PLCD3: variants seen among roughly 807,000 people sequenced by gnomAD.
PLCD3 encodes 1-phosphatidylinositol 4,5-bisphosphate phosphodiesterase delta-3.
PLCD3 carries 62 observed loss-of-function variants against 82.8 expected under a neutral mutation model. That is an observed-to-expected ratio of 0.75 (90% CI 0.61 to 0.93). The LOEUF (loss-of-function observed/expected upper bound fraction) is 0.93. Among genes scored for constraint, PLCD3 ranks in the 40% least tolerant of loss-of-function variants. The probability of loss-of-function intolerance (pLI) is 0.00; values close to 1 mark genes in which losing one functional copy is unlikely to be tolerated. For missense variants in PLCD3, 1,023 were observed against 1,103.4 expected (o/e 0.93, Z 1.03); for synonymous variants, 478 against 471.8 (o/e 1.01, Z -0.17).
rs774528952 is a variant in PLCD3, at chr17:45,121,323, G to C, written c.213C>G (p.Leu71=). 2.6e-6 allele frequency: 4 copies of C among 1,559,238 alleles called. No individual in the cohort carries two copies. The South Asian group carries it at 3.5e-5, about 14-fold the overall frequency. Residue 71 remains leucine (L), a synonymous_variant, in exon 2 of 15, where the codon CTC becomes CTG. Transcript: ENST00000619929. ...DVRAMLRGSR[L]RKIRSRTWHK... ...GCCACGTGCGCGAGCGGATCTTGCG[G>C]AGCCGGGAGCCCCGCAGCATGGCGC... is the stretch of plus-strand genomic sequence containing the variant.
At chr17:45,119,544 T>C (rs1362672952) in intron 4 of PLCD3, among the ~76,000 whole-genome samples, 7 of 152,200 alleles carry the variant, frequency 4.6e-5, no homozygotes, top group Admixed American at 3.3e-4. Flanking sequence ...CCGGCAGGGC[T>C]GGACTTAAAA....
At chr17:45,114,191 T>G (rs943375794) in intron 11 of PLCD3, 59 bp downstream of exon 11, 1 of 1,319,194 alleles carries the variant, frequency 7.6e-7, no homozygotes, top group South Asian at 1.5e-5. Flanking sequence ...CCCTCACTGC[T>G]GAGGCCTCCC....
At chr17:45,129,663 C>T (rs66532542) in intron 1 of PLCD3, among the ~76,000 whole-genome samples, 15,449 of 152,262 alleles carry the variant, frequency 0.1, 947 homozygotes, top group East Asian at 0.32. Context: ...AGGATCAGGT[C>T]TGATGCAAGC....
At chr17:45,127,874 G>A (rs1205092704) in intron 1 of PLCD3, among the ~76,000 whole-genome samples, 1 of 152,086 alleles carries the variant, frequency 6.6e-6, no homozygotes, top group African/African-American at 2.4e-5. Context: ...GGCCAGCCAG[G>A]GGGAAATAGG....
intron 1 of PLCD3, among the ~76,000 whole-genome samples, chr17:45,122,567 C>G (rs2054350065): frequency 1.3e-5 from 2 of 152,172 alleles, no homozygotes; most frequent in African/African-American, 4.8e-5. Context: ...TAAGTCTCAA[C>G]ACTGTCACTT....
In PLCD3 at chr17:45,112,687, G is replaced by A; in HGVS notation, c.2299C>T (p.Leu767=). The A allele has an allele frequency of 6.2e-7, 1 of 1,606,216 alleles. No individual in the cohort carries two copies. The highest frequency in any genetic ancestry group is 8.5e-7 in the Non-Finnish European group (1 of 1,176,636). ...SLKQGYRHIH[L]LSKDGASLSP... is the part of the protein sequence containing the mutation. ...AGTGAGGCCCCGTCCTTGGAAAGCA[G>A]GTGTATGTGGCGGTACCCTGTAGGG... is the stretch of plus-strand genomic sequence containing the variant. Residue 767 remains leucine (L), a synonymous_variant, in exon 15 of 15, where the codon CTG becomes TTG. Coordinates refer to ENST00000619929, the MANE Select transcript of PLCD3 (RefSeq NM_133373.5).
Position 45,113,534 on chromosome 17 carries a change from A to G in PLCD3, c.1900T>C (p.Cys634Arg). The change falls in exon 12 of 15, where the codon TGT becomes CGT. Residue 634 changes from cysteine (C) to arginine (R), a missense_variant. Physicochemically the swap from Cys to Arg is radical, Grantham distance 180. Transcript: ENST00000619929. Reference protein sequence around the residue: ...NAGRFLVNGQCGYVLKPACLR... With the variant: ...NAGRFLVNGQRGYVLKPACLR... ...CAGGCAGGTTTTAGGACGTAGCCAC[A>G]CTGCCCATTGACTAGGAAGCGCCCG... 6 of 1,570,600 alleles carry G rather than the reference A, an allele frequency of 3.8e-6. No individual in the cohort carries two copies. The highest frequency in any genetic ancestry group is 5.2e-6 in the Non-Finnish European group (6 of 1,158,352).
In PLCD3 at chr17:45,113,306, C is replaced by T. The variant is rs747673644; in HGVS notation, c.1996-49G>A. Reference sequence around the variant, plus strand: ...TGGGGCCCACGCCCACCTTGGCCATCCCCTCATGGGCCTCAAGCTCACACC... The same window carrying T: ...TGGGGCCCACGCCCACCTTGGCCATTCCCTCATGGGCCTCAAGCTCACACC... On this transcript the variant is annotated intron_variant, in intron 12 of 14. Coordinates refer to ENST00000619929, the MANE Select transcript of PLCD3 (RefSeq NM_133373.5). The T allele has an allele frequency of 3.8e-6, 6 of 1,563,114 alleles. No individual in the cohort carries two copies. In the South Asian group the frequency reaches 7.0e-5, roughly 18 times the overall value.
chr17:45,113,769 C>A (rs1191831241), intron 11 of PLCD3, among the ~76,000 whole-genome samples, 164 bp from the exon 12 acceptor site: 1 of 152,040 alleles, frequency 6.6e-6, no homozygotes, highest in Non-Finnish European at 1.5e-5. Flanking sequence ...ATGGACCCAG[C>A]CCCCACTGTC....
rs978071611 is a variant in PLCD3, at chr17:45,122,669, C to T, written c.164-1297G>A. The stretch of plus-strand genomic sequence containing the variant: ...AAAATGGAGACCACAATCATACCTG[C>T]TGCAAAATCCAAAATTCAGAGGTTT... On this transcript the variant is annotated intron_variant, in intron 1 of 14. Transcript: ENST00000619929. 3.3e-5 allele frequency among the ~76,000 whole-genome samples: 5 copies of T among 152,148 alleles called. No homozygotes were observed. In the East Asian group the frequency reaches 7.7e-4, roughly 23 times the overall value.
Position 45,114,280 on chromosome 17 carries a change from G to A in PLCD3, c.1798C>T (p.Gln600Ter). The change falls in exon 11 of 15, where the codon CAG (glutamine) becomes TAG (stop). Residue 600 changes from glutamine to a stop codon, truncating the protein, a stop_gained. Coordinates refer to ENST00000619929, the MANE Select transcript of PLCD3 (RefSeq NM_133373.5). LOFTEE classifies it high-confidence loss of function. ...LRMNSANYSP[Q>*]EMWNSGCQLV... ...TGACAGCCCGAGTTCCACATCTCCT[G>A]GGGACTGTAGTTGGCTGAGTTCATC... The A allele has an allele frequency of 1.3e-6, 2 of 1,546,404 alleles. No homozygotes were observed. Among genetic ancestry groups the A allele is most frequent in the Non-Finnish European group, 1.7e-6 (2 of 1,144,958 alleles).
chr17:45,120,144 G>A (rs1198542049), intron 4 of PLCD3, among the ~76,000 whole-genome samples, 181 bp downstream of exon 4: 1 of 152,262 alleles, frequency 6.6e-6, no homozygotes, highest in Non-Finnish European at 1.5e-5. Context: ...TGGCCCAGTG[G>A]CCTCAGGGGA....
intron 4 of PLCD3, among the ~76,000 whole-genome samples, chr17:45,119,897 C>A (rs1191664602): frequency 6.6e-6 from 1 of 152,240 alleles, no homozygotes; most frequent in African/African-American, 2.4e-5. Context: ...CTCCTGTGTG[C>A]CCCTGTGCTC....
chr17:45,113,541 A>G lies in PLCD3; in HGVS notation c.1893T>C (p.Asn631=). Residue 631 remains asparagine (N), a synonymous_variant, in exon 12 of 15, where the codon AAT becomes AAC. Coordinates refer to ENST00000619929, the MANE Select transcript of PLCD3 (RefSeq NM_133373.5). ...GTTTTAGGACGTAGCCACACTGCCC[A>G]TTGACTAGGAAGCGCCCGGCATTGA... ...MDLNAGRFLV[N]GQCGYVLKPA... is the part of the protein sequence containing the mutation. The G allele has an allele frequency of 1.9e-6, 3 of 1,567,166 alleles. No individual in the cohort carries two copies. The highest frequency in any genetic ancestry group is 2.6e-6 in the Non-Finnish European group (3 of 1,156,552).
At chr17:45,131,248 G>C (rs533905569) in intron 1 of PLCD3, among the ~76,000 whole-genome samples, 4 of 152,224 alleles carry the variant, frequency 2.6e-5, no homozygotes, top group Non-Finnish European at 4.4e-5. Flanking sequence ...TCTGCCCCAA[G>C]TTCTACACGG....
chr17:45,113,127 T>C lies in PLCD3; in HGVS notation c.2126A>G (p.Asn709Ser), dbSNP rs1171352194. Reference sequence around the variant, plus strand: ...TTCCGCCAGTGGCTGCCCACCATTGTTGAGCACGTAGTCAGTCTCCTGCCG... The same window carrying C: ...TTCCGCCAGTGGCTGCCCACCATTGCTGAGCACGTAGTCAGTCTCCTGCCG... ...CARQETDYVLNNGFNPRWGQT... is the reference protein window; with the variant it reads ...CARQETDYVLSNGFNPRWGQT... Residue 709 changes from asparagine (N) to serine (S), a missense_variant, in exon 13 of 15, where the codon AAC (asparagine) becomes AGC (serine). This residue lies in a region of PLCD3 where 553 missense variants were observed against 655.7 expected (regional missense o/e 0.84). Transcript: ENST00000619929. The C allele has an allele frequency of 6.2e-7, 1 of 1,613,578 alleles. No homozygotes were observed. The highest frequency in any genetic ancestry group is 8.5e-7 in the Non-Finnish European group (1 of 1,179,764).
At position 45,115,456 on chromosome 17, in the gene PLCD3, T is replaced by A. The variant is rs2054282651; in HGVS notation, c.1448A>T (p.Lys483Met). The A allele has an allele frequency of 1.2e-6, 2 of 1,612,010 alleles. No individual in the cohort carries two copies. The highest frequency in any genetic ancestry group is 1.7e-6 in the Non-Finnish European group (2 of 1,179,334). ...ATCCTCGCTCCGAGCAGCGGGCAAC[T>A]TCTTTCCCTTCACCAGGACCCGGCC... ...LKGRVLVKGK[K>M]LPAARSEDGR... Residue 483 changes from lysine to methionine, a missense_variant, in exon 9 of 15, where the codon AAG (lysine) becomes ATG (methionine). Physicochemically the swap from Lys to Met is moderately conservative, Grantham distance 95. This residue lies in a region of PLCD3 where 553 missense variants were observed against 655.7 expected (regional missense o/e 0.84). Coordinates refer to ENST00000619929, the MANE Select transcript of PLCD3 (RefSeq NM_133373.5).
In PLCD3 at chr17:45,118,252, G is replaced by T. The variant is rs761403794; in HGVS notation, c.1115+39C>A. The stretch of plus-strand genomic sequence containing the variant: ...GGAAGCCAGCCCATGTCTCTCCCCA[G>T]GTGGGGCTCCCGGAAACATTCACCC... On this transcript the variant is annotated intron_variant, in intron 6 of 14. Coordinates refer to ENST00000619929, the MANE Select transcript of PLCD3 (RefSeq NM_133373.5). The surrounding 1 kb of genome is among the most constrained non-coding windows in gnomAD (Gnocchi z 4.1). 2 of 1,612,810 alleles carry T rather than the reference G, an allele frequency of 1.2e-6. No homozygotes were observed. Among genetic ancestry groups the T allele is most frequent in the African/African-American group, 1.3e-5 (1 of 74,920 alleles).
chr17:45,122,265 C>T (rs973852914), intron 1 of PLCD3, among the ~76,000 whole-genome samples: 2 of 151,782 alleles, frequency 1.3e-5, no homozygotes, highest in South Asian at 2.1e-4. Flanking sequence ...CACTTGAATC[C>T]GGGAGGCGGA....
Sources: allele counts gnomAD v4.1 joint callset (sites outside exome capture counted in the v4.1 genomes callset), GRCh38; gene constraint gnomAD v4.1.1; regional missense constraint gnomAD v4.1.1; non-coding constraint Gnocchi (gnomAD v3.1); transcripts MANE v1.5; gene names NCBI Gene and HGNC (gene_info 2026-07-23, HGNC 2026-07-21).